LIN52: variants seen among roughly 807,000 people sequenced by gnomAD.
LIN52 encodes protein lin-52 homolog.
In LIN52, 4 loss-of-function variants were observed where a neutral mutation model predicts 18.5. The observed-to-expected ratio is 0.22, with a 90% confidence interval of 0.11 to 0.49. The LOEUF is 0.49. LIN52 is among the 20% of genes least tolerant of loss of function. The pLI, the probability that LIN52 is intolerant of heterozygous loss-of-function variation, is 0.97. For missense variants in LIN52, 102 were observed against 139.5 expected (o/e 0.73, Z 1.35); for synonymous variants, 34 against 45.5 (o/e 0.75, Z 1.02).
intron 5 of LIN52, among the ~76,000 whole-genome samples, chr14:74,177,335 T>G (rs891396232): frequency 6.6e-6 from 1 of 152,196 alleles, no homozygotes; most frequent in Non-Finnish European, 1.5e-5. Flanking sequence ...AATGCTGCTG[T>G]GAACATTCAT....
At chr14:74,093,625 C>T (rs2060787901) in intron 2 of LIN52, among the ~76,000 whole-genome samples, 1 of 152,146 alleles carries the variant, frequency 6.6e-6, no homozygotes, top group Non-Finnish European at 1.5e-5. Context: ...TGCACCTGGC[C>T]CACTCTTATA....
chr14:74,149,271 T>C (rs923090395), intron 5 of LIN52, among the ~76,000 whole-genome samples: 1 of 152,206 alleles, frequency 6.6e-6, no homozygotes, highest in African/African-American at 2.4e-5. Context: ...GGCCGTGCAG[T>C]GTTTTATAAC....
intron 5 of LIN52, among the ~76,000 whole-genome samples, chr14:74,109,657 A>G (rs2060915591): frequency 6.6e-6 from 1 of 152,210 alleles, no homozygotes; most frequent in Non-Finnish European, 1.5e-5. Context: ...CAAAGCACAA[A>G]TATTATACTT....
At chr14:74,121,725 CTTT>C (rs11332437) in intron 5 of LIN52, among the ~76,000 whole-genome samples, 10 of 142,192 alleles carry the variant, frequency 7.0e-5, no homozygotes, top group Non-Finnish European at 7.7e-5. Context: ...CCTTCACTTT[CTTT>C]TTTTTTTTTT....
chr14:74,100,333 G>T lies in LIN52; in HGVS notation c.200-822G>T, dbSNP rs536998117. Among the ~76,000 whole-genome samples, 5 of 152,070 alleles carry T rather than the reference G, an allele frequency of 3.3e-5. 1 individual carries two copies. The South Asian group carries it at 1.0e-3, about 32-fold the overall frequency. ...TTTTTTCTTTTTTTATTTGAGAAAA[G>T]GTCTCACTCTGTCACCCAGACTGTA... On this transcript the variant is annotated intron_variant, in intron 4 of 5. Transcript: ENST00000555028.
intron 5 of LIN52, among the ~76,000 whole-genome samples, chr14:74,154,385 T>C (rs1469352780): frequency 6.6e-6 from 1 of 152,222 alleles, no homozygotes; most frequent in Non-Finnish European, 1.5e-5. Flanking sequence ...ATGAGCTCTA[T>C]AAGGAAGGCA....
At chr14:74,101,288 TGTATTCCACCCTGAGCTCAG>T (rs751337129) in intron 5 of LIN52, 50 bp downstream of exon 5, 43 of 1,313,898 alleles carry the variant, frequency 3.3e-5, no homozygotes, top group Middle Eastern at 2.0e-4. Flanking sequence ...CCCTGAGCTG[TGTATTCCACCCTGAGCTCAG>T]GTATTCCACC....
intron 5 of LIN52, 84 bp from the exon 6 acceptor site, chr14:74,198,838 C>G: frequency 9.8e-7 from 1 of 1,019,696 alleles, no homozygotes; most frequent in Non-Finnish European, 1.5e-6. Flanking sequence ...TTAAATCAAT[C>G]TGCATTTTTA....
intron 5 of LIN52, among the ~76,000 whole-genome samples, chr14:74,131,810 T>C (rs1271047327): frequency 6.6e-6 from 1 of 152,172 alleles, no homozygotes; most frequent in Admixed American, 6.5e-5. Context: ...GATTTAAAGA[T>C]GAGGAAACTA....
rs566965747 is a variant in LIN52 at position 74,201,477 on chromosome 14, A to C, written c.*2500A>C. On this transcript the variant is annotated 3_prime_UTR_variant, in exon 6 of 6. Coordinates refer to ENST00000555028, the MANE Select transcript of LIN52 (RefSeq NM_001024674.3). ...TTCCCGTGTCTACTAATAAAGTCTCAATCTCTTGACCCGGCATTTTAAGAC... is the reference window on the plus strand; with the variant it reads ...TTCCCGTGTCTACTAATAAAGTCTCCATCTCTTGACCCGGCATTTTAAGAC... Among the ~76,000 whole-genome samples, 1 of 152,246 alleles carries C rather than the reference A, an allele frequency of 6.6e-6. No individual in the cohort carries two copies. The highest frequency in any genetic ancestry group is 6.5e-5 in the Admixed American group (1 of 15,290).
intron 5 of LIN52, among the ~76,000 whole-genome samples, chr14:74,170,108 G>A (rs965617802): frequency 3.3e-5 from 5 of 152,230 alleles, no homozygotes; most frequent in African/African-American, 1.2e-4. Context: ...GTCACATGGT[G>A]CATTTGAAGA....
At chr14:74,169,709 A>G (rs1360231877) in intron 5 of LIN52, among the ~76,000 whole-genome samples, 1 of 152,130 alleles carries the variant, frequency 6.6e-6, no homozygotes, top group Non-Finnish European at 1.5e-5. Context: ...CCCTTTTAAA[A>G]CTTGTTCATG....
chr14:74,143,017 T>A (rs1392819190), intron 5 of LIN52, among the ~76,000 whole-genome samples: 1 of 151,492 alleles, frequency 6.6e-6, no homozygotes, highest in East Asian at 2.0e-4. Flanking sequence ...TAGACAAATT[T>A]CAGATAAAGT....
chr14:74,165,755 C>T (rs1320465067), intron 5 of LIN52, among the ~76,000 whole-genome samples: 1 of 151,934 alleles, frequency 6.6e-6, no homozygotes, highest in Non-Finnish European at 1.5e-5. Flanking sequence ...GTGATCCGCC[C>T]ACCTCCGCCT....
intron 5 of LIN52, among the ~76,000 whole-genome samples, chr14:74,188,698 G>A (rs1165933716): frequency 6.6e-6 from 1 of 152,052 alleles, no homozygotes; most frequent in Non-Finnish European, 1.5e-5. Context: ...TGGGTGCTAT[G>A]ATTATTTTGT....
chr14:74,106,818 C>G (rs1363133186), intron 5 of LIN52, among the ~76,000 whole-genome samples: 1 of 152,214 alleles, frequency 6.6e-6, no homozygotes, highest in East Asian at 1.9e-4. Flanking sequence ...TCTCGAACTT[C>G]TGTCCTCAAG....
chr14:74,094,764 G>C (rs1238314964), intron 2 of LIN52, among the ~76,000 whole-genome samples: 1 of 150,286 alleles, frequency 6.7e-6, no homozygotes, highest in Non-Finnish European at 1.5e-5. Flanking sequence ...GTCTCGCTCT[G>C]TTGCCCAGGT....
chr14:74,099,719 G>A lies in LIN52; in HGVS notation c.200-1436G>A, dbSNP rs188990460. Among the ~76,000 whole-genome samples the A allele has an allele frequency of 4.0e-3, 615 of 152,076 alleles. 3 individuals carry two copies. The highest frequency in any genetic ancestry group is 5.0e-3 in the Non-Finnish European group (340 of 67,978). ...GGGTTGGGGGGACAGTGAGTTGCTA[G>A]TGCTGATTGATTGGGCTGGAGATGA... On this transcript the variant is annotated intron_variant, in intron 4 of 5. Coordinates refer to ENST00000555028, the MANE Select transcript of LIN52 (RefSeq NM_001024674.3).
At chr14:74,102,049 A>G (rs1289105965) in intron 5 of LIN52, among the ~76,000 whole-genome samples, 3 of 152,140 alleles carry the variant, frequency 2.0e-5, no homozygotes, top group Non-Finnish European at 4.4e-5. Context: ...TGCTGGGATT[A>G]TGAACCACCG....
Sources: gnomAD v4.1 joint callset for allele counts (sites outside exome capture counted in the v4.1 genomes callset) on GRCh38, gnomAD v4.1.1 for gene constraint, MANE v1.5 for transcripts, NCBI Gene and HGNC (gene_info 2026-07-23, HGNC 2026-07-21) for gene names.